The following TLE4 variants were observed in gnomAD, a reference collection of about 807,000 sequenced individuals.
The protein encoded by TLE4 is transducin-like enhancer protein 4.
In TLE4, 8 loss-of-function variants were observed where a neutral mutation model predicts 92.8. The ratio of observed to expected loss-of-function variants is 0.09; its 90% CI spans 0.05 to 0.16. The LOEUF is 0.16. Among genes scored for constraint, TLE4 ranks in the 10% least tolerant of loss-of-function variants. TLE4 has a pLI of 1.00. For missense variants in TLE4, 675 were observed against 997.6 expected, an observed-to-expected ratio of 0.68 and a Z score of 4.36; for synonymous variants, 371 against 374.1, an observed-to-expected ratio of 0.99 and a Z score of 0.10.
chr9:79,705,234 T>A (rs956362635), intron 9 of TLE4, among the ~76,000 whole-genome samples: 1 of 152,224 alleles, frequency 6.6e-6, no homozygotes, highest in Non-Finnish European at 1.5e-5. Flanking sequence ...CAGAAAAATA[T>A]AAAATCATAA....
At chr9:79,658,207 C>T (rs1245675350) in intron 8 of TLE4, among the ~76,000 whole-genome samples, 1 of 152,164 alleles carries the variant, frequency 6.6e-6, no homozygotes, top group Non-Finnish European at 1.5e-5. Flanking sequence ...TTTAAAATGC[C>T]AAATGCAATG....
chr9:79,682,179 C>T (rs2064844727), intron 8 of TLE4, among the ~76,000 whole-genome samples: 1 of 152,052 alleles, frequency 6.6e-6, no homozygotes, highest in Non-Finnish European at 1.5e-5. Flanking sequence ...CAGGCAGGCC[C>T]ACAGTCTTTT....
chr9:79,655,144 AATACATACATAC>A (rs200567926), intron 8 of TLE4, among the ~76,000 whole-genome samples: 11 of 152,034 alleles, frequency 7.2e-5, no homozygotes, highest in East Asian at 5.8e-4. Context: ...CTGTCTCAAA[AATACATACATAC>A]ATACATACAT....
chr9:79,715,411 TCTC>T (rs748622912), intron 14 of TLE4, among the ~76,000 whole-genome samples: 3 of 151,864 alleles, frequency 2.0e-5, no homozygotes, highest in Non-Finnish European at 4.4e-5. Flanking sequence ...ACTGCCACCT[TCTC>T]CTTGTCTGAA....
At chr9:79,636,999 G>A (rs1445335649) in intron 6 of TLE4, among the ~76,000 whole-genome samples, 1 of 152,142 alleles carries the variant, frequency 6.6e-6, no homozygotes, top group Admixed American at 6.6e-5. Context: ...CGCATGGACT[G>A]GTAGAAAATA....
chr9:79,622,788 G>A (rs2051356024), intron 5 of TLE4, among the ~76,000 whole-genome samples: 1 of 152,068 alleles, frequency 6.6e-6, no homozygotes, highest in African/African-American at 2.4e-5. Context: ...CAGATGCCGC[G>A]GGAAGTGCGC....
chr9:79,692,293 C>T (rs1422610153), intron 8 of TLE4, among the ~76,000 whole-genome samples: 1 of 151,924 alleles, frequency 6.6e-6, no homozygotes, highest in African/African-American at 2.4e-5. Flanking sequence ...GATACCCAGA[C>T]TTTGGAATGT....
chr9:79,584,128 C>G (rs1226453598), intron 4 of TLE4, among the ~76,000 whole-genome samples: 1 of 152,234 alleles, frequency 6.6e-6, no homozygotes, highest in Non-Finnish European at 1.5e-5. Flanking sequence ...GGTTTCTTGA[C>G]TTCCCTTCCA....
At chr9:79,606,201 T>TG (rs1298260202) in intron 4 of TLE4, among the ~76,000 whole-genome samples, 16 of 111,760 alleles carry the variant, frequency 1.4e-4, no homozygotes, top group African/African-American at 5.5e-4. Context: ...TTTTTTTTTT[T>TG]TTTTTTTTTT....
chr9:79,699,908 A>G (rs1163415994), intron 8 of TLE4, among the ~76,000 whole-genome samples: 2 of 152,184 alleles, frequency 1.3e-5, no homozygotes, highest in African/African-American at 2.4e-5. Context: ...TTAAAACCCT[A>G]TAATTATGGG....
At chr9:79,587,106 C>G (rs1275724130) in intron 4 of TLE4, among the ~76,000 whole-genome samples, 1 of 152,184 alleles carries the variant, frequency 6.6e-6, no homozygotes, top group African/African-American at 2.4e-5. Context: ...TTGTTCACTG[C>G]TGGTACCACT....
chr9:79,670,877 T>G lies in TLE4; in HGVS notation c.609+16802T>G, dbSNP rs116212660. On this transcript the variant is annotated intron_variant, in intron 8 of 19. Transcript: ENST00000376552. ...TATAGTAGGTCCTTATTGGTTTTTT[T>G]TTTGTTTGTTTTTTTAGTGTACAGT... 6.6e-3 allele frequency among the ~76,000 whole-genome samples: 998 copies of G among 152,252 alleles called. 4 individuals carry two copies. The highest frequency in any genetic ancestry group is 0.021 in the African/African-American group (863 of 41,532).
chr9:79,585,936 T>TA (rs2040960375), intron 4 of TLE4, among the ~76,000 whole-genome samples: 1 of 152,096 alleles, frequency 6.6e-6, no homozygotes, highest in Admixed American at 6.5e-5. Flanking sequence ...CTGATTCTCT[T>TA]ATGGCCAGCG....
intron 8 of TLE4, among the ~76,000 whole-genome samples, chr9:79,661,835 A>G (rs1316211025): frequency 6.6e-6 from 1 of 152,224 alleles, no homozygotes. Flanking sequence ...AAAACAGTGT[A>G]AGCTGAGAGT....
chr9:79,632,527 T>C (rs1211658933), intron 6 of TLE4, among the ~76,000 whole-genome samples: 1 of 152,184 alleles, frequency 6.6e-6, no homozygotes, highest in East Asian at 1.9e-4. Flanking sequence ...AAGGGGGCTT[T>C]ACAGTGTAGG....
At chr9:79,601,176 C>A (rs1428015763) in intron 4 of TLE4, among the ~76,000 whole-genome samples, 1 of 152,162 alleles carries the variant, frequency 6.6e-6, no homozygotes, top group Non-Finnish European at 1.5e-5. Flanking sequence ...ATTCACCCAT[C>A]AGGAATTGTC....
At chr9:79,662,722 G>GGAAA (rs2060719642) in intron 8 of TLE4, among the ~76,000 whole-genome samples, 1 of 152,082 alleles carries the variant, frequency 6.6e-6, no homozygotes. Flanking sequence ...CCTATTAAGG[G>GGAAA]GCCCCGGGTT....
chr9:79,720,517 T>C (rs2075444445), intron 16 of TLE4, among the ~76,000 whole-genome samples: 1 of 152,152 alleles, frequency 6.6e-6, no homozygotes, highest in South Asian at 2.1e-4. Flanking sequence ...TCTTGTTTTC[T>C]GTAGTACTTG....
At chr9:79,576,463 C>T (rs1224533409) in intron 4 of TLE4, 2 of 227,936 alleles carry the variant, frequency 8.8e-6, no homozygotes, top group African/African-American at 2.2e-5. Context: ...TCTTGTTATT[C>T]TTCTGAAAGA....
Sources: gnomAD v4.1 joint callset for allele counts (sites outside exome capture counted in the v4.1 genomes callset) on GRCh38, gnomAD v4.1.1 for gene constraint, MANE v1.5 for transcripts, NCBI Gene and HGNC (gene_info 2026-07-23, HGNC 2026-07-21) for gene names.